Variants in SLC39A12 observed in about 807,000 individuals in gnomAD.
SLC39A12 encodes zinc transporter ZIP12.
SLC39A12 carries 63 observed loss-of-function variants against 71.1 expected under a neutral mutation model. That is an observed-to-expected ratio of 0.89 (90% CI 0.72 to 1.09). The LOEUF is 1.09. Ranked by LOEUF, SLC39A12 falls within the 50% of genes least tolerant of loss-of-function variation. The pLI, the probability that SLC39A12 is intolerant of heterozygous loss-of-function variation, is 0.00. For missense variants in SLC39A12, 892 were observed against 812.6 expected, an observed-to-expected ratio of 1.10 and a Z score of -1.19; for synonymous variants, 351 against 301.3, an observed-to-expected ratio of 1.16 and a Z score of -1.71.
intron 12 of SLC39A12, among the ~76,000 whole-genome samples, chr10:18,030,145 A>G (rs912215741): frequency 2.0e-5 from 3 of 152,178 alleles, no homozygotes; most frequent in African/African-American, 7.2e-5. Context: ...GAAAGTTCAC[A>G]TAGGCCACCG....
intron 12 of SLC39A12, among the ~76,000 whole-genome samples, chr10:18,018,088 G>A (rs12244407): frequency 0.047 from 7,088 of 152,130 alleles, 587 homozygotes; most frequent in African/African-American, 0.16. Context: ...CCTCATGTAC[G>A]TCTTGTGCAC....
At chr10:18,035,667 C>G (rs1435148416) in intron 12 of SLC39A12, among the ~76,000 whole-genome samples, 1 of 152,232 alleles carries the variant, frequency 6.6e-6, no homozygotes, top group Non-Finnish European at 1.5e-5. Context: ...CATTCTCCAT[C>G]CAGCTTTGTT....
At chr10:18,010,967 T>G (rs1486796794) in intron 12 of SLC39A12, among the ~76,000 whole-genome samples, 1 of 152,174 alleles carries the variant, frequency 6.6e-6, no homozygotes, top group East Asian at 1.9e-4. Context: ...GTAAATGTAT[T>G]TCTCCTCTTT....
rs1836826345 is a variant in SLC39A12, at chr10:18,030,808, C to A, written c.1948-11897C>A. 2.5e-5 allele frequency among the ~76,000 whole-genome samples: 3 copies of A among 119,852 alleles called. No individual in the cohort carries two copies. In the Admixed American group the frequency reaches 2.7e-4, roughly 11 times the overall value. The allele number at this position is 119,852 out of a possible 152,430, so 78.6% of individuals were successfully genotyped here. The stretch of plus-strand genomic sequence containing the variant: ...CCTCCCCCTCCCCCCTCCCCCCACC[C>A]CACCACAGTCCCCAGAGTGTGATAT... On this transcript the variant is annotated intron_variant, in intron 12 of 12. Coordinates refer to ENST00000377369, the MANE Select transcript of SLC39A12 (RefSeq NM_001145195.2).
intron 2 of SLC39A12, among the ~76,000 whole-genome samples, chr10:17,956,068 G>A (rs1437681966): frequency 1.3e-5 from 2 of 152,008 alleles, no homozygotes; most frequent in African/African-American, 4.8e-5. Context: ...GGACCACATG[G>A]ACAAACACAT....
At chr10:18,036,019 C>G (rs1299507223) in intron 12 of SLC39A12, among the ~76,000 whole-genome samples, 2 of 152,170 alleles carry the variant, frequency 1.3e-5, no homozygotes, top group East Asian at 1.9e-4. Flanking sequence ...AGATCTCCAG[C>G]TGCGTGCTGG....
Position 18,028,041 on chromosome 10 carries a change from T to C in SLC39A12, c.1948-14664T>C, listed in dbSNP as rs377079421. Among the ~76,000 whole-genome samples the C allele has an allele frequency of 2.8e-3, 431 of 152,342 alleles. 4 individuals are homozygous for C. Among genetic ancestry groups the C allele is most frequent in the African/African-American group, 9.8e-3 (407 of 41,582 alleles). On this transcript the variant is annotated intron_variant, in intron 12 of 12. Coordinates refer to ENST00000377369, the MANE Select transcript of SLC39A12 (RefSeq NM_001145195.2). ...CATGGTTCTGCTTATCAAATGCAAA[T>C]GTATACCTGCCTCCGTGTGCACAGT...
chr10:18,042,281 C>G (rs1837278138), intron 12 of SLC39A12, among the ~76,000 whole-genome samples: 1 of 151,904 alleles, frequency 6.6e-6, no homozygotes, highest in African/African-American at 2.4e-5. Flanking sequence ...AGCTTGAGAC[C>G]TGCCTGGGCA....
At chr10:18,041,663 GTGTATATATA>G (rs1837238910) in intron 12 of SLC39A12, among the ~76,000 whole-genome samples, 1 of 88,302 alleles carries the variant, frequency 1.1e-5, no homozygotes, top group East Asian at 2.6e-4. Context: ...ATGTATATAT[GTGTATATATA>G]TGTATATACA....
At chr10:18,038,520 T>A (rs1048434158) in intron 12 of SLC39A12, among the ~76,000 whole-genome samples, 10 of 152,122 alleles carry the variant, frequency 6.6e-5, no homozygotes, top group Middle Eastern at 3.4e-3. Context: ...TGTGGTGGTG[T>A]GTGCCTGTAA....
intron 2 of SLC39A12, among the ~76,000 whole-genome samples, chr10:17,960,103 T>C (rs1834649479): frequency 6.6e-6 from 1 of 152,094 alleles, no homozygotes; most frequent in Non-Finnish European, 1.5e-5. Context: ...AGAAAAAAAG[T>C]GAATTTGGAC....
At chr10:18,024,291 G>C (rs1836614483) in intron 12 of SLC39A12, among the ~76,000 whole-genome samples, 1 of 152,078 alleles carries the variant, frequency 6.6e-6, no homozygotes, top group Non-Finnish European at 1.5e-5. Flanking sequence ...GGCCCTTGGG[G>C]TTCCTCATGG....
intron 4 of SLC39A12, among the ~76,000 whole-genome samples, chr10:17,971,928 G>C (rs544992060): frequency 6.6e-6 from 1 of 152,034 alleles, no homozygotes; most frequent in Non-Finnish European, 1.5e-5. Flanking sequence ...TTGTTAGATT[G>C]TTAATTTGAA....
intron 12 of SLC39A12, among the ~76,000 whole-genome samples, chr10:18,036,881 G>C (rs1337931158): frequency 6.7e-6 from 1 of 148,622 alleles, no homozygotes; most frequent in African/African-American, 2.5e-5. Context: ...CCGCCTCCCA[G>C]GTTTAAACGA....
At chr10:17,983,486 T>G (rs1404005732) in intron 6 of SLC39A12, among the ~76,000 whole-genome samples, 1 of 151,490 alleles carries the variant, frequency 6.6e-6, no homozygotes, top group Non-Finnish European at 1.5e-5. Context: ...GACCCTGTCT[T>G]AAAAACAAGA....
intron 5 of SLC39A12, among the ~76,000 whole-genome samples, chr10:17,979,734 G>A (rs1835205982): frequency 6.6e-6 from 1 of 152,186 alleles, no homozygotes. Context: ...CCACAGGAGT[G>A]AGGTTGGCAC....
rs567628480 is a variant in SLC39A12 at position 17,993,204 on chromosome 10, G to A, written c.1446G>A (p.Gly482=). The part of the protein sequence containing the change: ...NDKQGLSLVN[G]HVGHSHHLAL... ...AGCAGGGCCTGTCATTGGTTAATGG[G>A]CACGTGGGTCATTCCCACCATCTTG... is the stretch of plus-strand genomic sequence containing the variant. The change falls in exon 9 of 13, where the codon GGG becomes GGA. Residue 482 remains glycine, a synonymous_variant. Coordinates refer to ENST00000377369, the MANE Select transcript of SLC39A12 (RefSeq NM_001145195.2). 1.1e-4 allele frequency: 166 copies of A among 1,551,568 alleles called. No individual in the cohort carries two copies. The highest frequency in any genetic ancestry group is 9.7e-4 in the African/African-American group (71 of 73,144).
intron 4 of SLC39A12, among the ~76,000 whole-genome samples, chr10:17,971,258 G>GTCCCT (rs1834965298): frequency 1.8e-5 from 1 of 56,566 alleles, no homozygotes; most frequent in African/African-American, 6.9e-5. Context: ...ATATTGGCCT[G>GTCCCT]CCCCTCCCCT....
chr10:18,016,553 G>A (rs560749064), intron 12 of SLC39A12, among the ~76,000 whole-genome samples: 19 of 152,266 alleles, frequency 1.2e-4, no homozygotes, highest in African/African-American at 4.3e-4. Flanking sequence ...ATCTGTTGAG[G>A]AAATGCCAAG....
Sources: gnomAD v4.1 joint callset for allele counts (sites outside exome capture counted in the v4.1 genomes callset) on GRCh38, gnomAD v4.1.1 for gene constraint, MANE v1.5 for transcripts, NCBI Gene and HGNC (gene_info 2026-07-23, HGNC 2026-07-21) for gene names.